FUT8: variants seen among roughly 807,000 people sequenced by gnomAD.
FUT8 encodes fucosyltransferase 8, also known as alpha-(1,6)-fucosyltransferase.
In FUT8, 29 loss-of-function variants were observed where a neutral mutation model predicts 71.3. That is an observed-to-expected ratio of 0.41 (90% CI 0.30 to 0.55). The LOEUF is 0.55. FUT8 is among the 20% of genes least tolerant of loss of function. The probability of loss-of-function intolerance (pLI) is 0.34; values close to 1 mark genes in which losing one functional copy is unlikely to be tolerated. For missense variants in FUT8, 544 were observed against 702.1 expected (o/e 0.77, Z 2.55); for synonymous variants, 254 against 239.3 (o/e 1.06, Z -0.57).
At chr14:65,687,873 T>C (rs1017058366) in intron 7 of FUT8, among the ~76,000 whole-genome samples, 1 of 152,022 alleles carries the variant, frequency 6.6e-6, no homozygotes. Flanking sequence ...GCTGGGACTA[T>C]AGGTGTGCTA....
the FUT8 span, among the ~76,000 whole-genome samples, chr14:65,378,767 T>A: frequency 6.6e-6 from 1 of 152,038 alleles, no homozygotes; most frequent in South Asian, 2.1e-4. Context: ...GCATCAAAAT[T>A]TTCTTTGACT....
intron 7 of FUT8, among the ~76,000 whole-genome samples, chr14:65,677,151 T>TGTGTGTGTGTGTGTGTGCGCGCGCGCGC: frequency 3.6e-5 from 4 of 110,702 alleles, no homozygotes; most frequent in Admixed American, 1.8e-4. Flanking sequence ...TGTGTGTGTG[T>TGTGTGTGTGTGTGTGTGCGCGCGCGCGC]GCGCGCGCGC....
intron 1 of FUT8, among the ~76,000 whole-genome samples, chr14:65,439,954 G>GTA (rs60534547): frequency 0.024 from 1,759 of 74,828 alleles, 73 homozygotes; most frequent in African/African-American, 0.059. Context: ...GTGTGTGTGT[G>GTA]TATATATATA....
chr14:65,722,122 A>T (rs1394929086), intron 8 of FUT8, 101 bp downstream of exon 8: 1 of 1,398,104 alleles, frequency 7.2e-7, no homozygotes, highest in East Asian at 2.3e-5. Flanking sequence ...TTCAATTTTT[A>T]TAGTCCCACC....
intron 9 of FUT8, among the ~76,000 whole-genome samples, chr14:65,728,981 A>G (rs1895820243): frequency 6.6e-6 from 1 of 151,530 alleles, no homozygotes; most frequent in Non-Finnish European, 1.5e-5. Flanking sequence ...CTTTTCACTT[A>G]ATACAGCAAT....
At chr14:65,543,472 A>G (rs1884804213) in intron 2 of FUT8, among the ~76,000 whole-genome samples, 1 of 152,186 alleles carries the variant, frequency 6.6e-6, no homozygotes, top group Non-Finnish European at 1.5e-5. Flanking sequence ...CATACCTTTT[A>G]GTATAGGAAA....
At chr14:65,710,138 A>G (rs879374519) in intron 7 of FUT8, among the ~76,000 whole-genome samples, 1 of 152,214 alleles carries the variant, frequency 6.6e-6, no homozygotes, top group Non-Finnish European at 1.5e-5. Context: ...AATGGTATTC[A>G]TATAGAATTT....
intron 7 of FUT8, among the ~76,000 whole-genome samples, chr14:65,684,870 T>A (rs1278172732): frequency 1.3e-5 from 2 of 152,242 alleles, no homozygotes; most frequent in Non-Finnish European, 2.9e-5. Flanking sequence ...CTTTATAAAT[T>A]ACCTAGTCTC....
the FUT8 span, among the ~76,000 whole-genome samples, chr14:65,380,116 A>C: frequency 5.9e-5 from 9 of 152,344 alleles, no homozygotes; most frequent in South Asian, 1.7e-3. Flanking sequence ...GAGACTGGGA[A>C]GAAAAAGAGG....
chr14:65,547,435 A>T (rs371920773), intron 2 of FUT8, among the ~76,000 whole-genome samples: 1 of 151,530 alleles, frequency 6.6e-6, no homozygotes, highest in Non-Finnish European at 1.5e-5. Flanking sequence ...CTTTGTTATT[A>T]TTTTAGCTTT....
At chr14:65,423,721 T>C (rs2065337793) in intron 1 of FUT8, among the ~76,000 whole-genome samples, 1 of 152,262 alleles carries the variant, frequency 6.6e-6, no homozygotes, top group Non-Finnish European at 1.5e-5. Flanking sequence ...CTTTAGATCC[T>C]TCGCCTTCCA....
intron 2 of FUT8, among the ~76,000 whole-genome samples, chr14:65,520,597 A>G (rs1240009742): frequency 6.6e-6 from 1 of 152,140 alleles, no homozygotes; most frequent in African/African-American, 2.4e-5. Context: ...TCATTTTTTT[A>G]GAAATGTTAT....
rs1895563714 is a variant in FUT8, at chr14:65,724,142, C to T, written c.1083-5C>T. ...TTACCAGTAGAATCTGAATTTCTCC[C>T]CCAGAGTCCATGTCAGACGCACAGA... On this transcript the variant is annotated splice_region_variant and splice_polypyrimidine_tract_variant and intron_variant, in intron 8 of 10. Coordinates refer to ENST00000673929, the MANE Select transcript of FUT8 (RefSeq NM_001371533.1). The T allele has an allele frequency of 6.4e-7, 1 of 1,567,214 alleles. No homozygotes were observed. The highest frequency in any genetic ancestry group is 8.6e-7 in the Non-Finnish European group (1 of 1,159,056).
intron 10 of FUT8, among the ~76,000 whole-genome samples, chr14:65,740,504 A>G (rs1406409000): frequency 6.6e-6 from 1 of 152,046 alleles, no homozygotes. Flanking sequence ...ATTGCTAAAA[A>G]GAAATACCTG....
chr14:65,719,997 A>G (rs557474595), intron 7 of FUT8, among the ~76,000 whole-genome samples: 1 of 152,216 alleles, frequency 6.6e-6, no homozygotes, highest in South Asian at 2.1e-4. Context: ...CTAGGGCTCT[A>G]TAATGAGCAG....
At chr14:65,448,769 T>C (rs1187553657) in intron 1 of FUT8, among the ~76,000 whole-genome samples, 2 of 152,200 alleles carry the variant, frequency 1.3e-5, no homozygotes, top group African/African-American at 4.8e-5. Flanking sequence ...GTGATGGTAT[T>C]GTAACAGGAA....
At chr14:65,490,546 G>A (rs2066467318) in intron 2 of FUT8, among the ~76,000 whole-genome samples, 1 of 152,012 alleles carries the variant, frequency 6.6e-6, no homozygotes. Flanking sequence ...CTGTATCTGT[G>A]TTAAAAAAAT....
intron 10 of FUT8, among the ~76,000 whole-genome samples, chr14:65,740,652 A>C (rs1006648134): frequency 6.6e-6 from 1 of 151,960 alleles, no homozygotes; most frequent in African/African-American, 2.4e-5. Context: ...ACTTCACATG[A>C]CTGGAGCAGG....
intron 7 of FUT8, among the ~76,000 whole-genome samples, chr14:65,704,563 A>G (rs904087900): frequency 2.0e-5 from 3 of 152,144 alleles, no homozygotes; most frequent in Non-Finnish European, 4.4e-5. Context: ...TAGAACAAAC[A>G]AAAAAACTCC....
Sources: gnomAD v4.1 joint callset for allele counts (sites outside exome capture counted in the v4.1 genomes callset) on GRCh38, gnomAD v4.1.1 for gene constraint, MANE v1.5 for transcripts, NCBI Gene and HGNC (gene_info 2026-07-23, HGNC 2026-07-21) for gene names.